The following RPS6KA6 variants were observed in gnomAD, a reference collection of about 807,000 sequenced individuals.
RPS6KA6 encodes the protein ribosomal protein S6 kinase alpha-6.
In RPS6KA6, 27 loss-of-function variants were observed where a neutral mutation model predicts 65.4. The ratio of observed to expected loss-of-function variants is 0.41; its 90% CI spans 0.30 to 0.57. RPS6KA6 has a LOEUF of 0.57. Among genes scored for constraint, RPS6KA6 ranks in the 20% least tolerant of loss-of-function variants. RPS6KA6 has a pLI of 0.24. For synonymous variants in RPS6KA6, 190 were observed against 184.2 expected, an observed-to-expected ratio of 1.03 and a Z score of -0.26; for missense variants, 486 against 555.6, an observed-to-expected ratio of 0.87 and a Z score of 1.26.
chrX:84,169,079 G>T (rs983494635), intron 1 of RPS6KA6, among the ~76,000 whole-genome samples: 5 of 111,949 alleles, frequency 4.5e-5, no homozygotes, highest in Non-Finnish European at 9.4e-5. Context: ...AAGATAAGCA[G>T]ACATGCTGCT....
Position 84,064,108 on chromosome X carries a change from T to C in RPS6KA6, c.*169A>G, listed in dbSNP as rs1398056377. ...TACTGCAAACACATAGTATGAATATTGTGGACCTGTGAATGGTTTTTTAAA... is the reference window on the plus strand; with the variant it reads ...TACTGCAAACACATAGTATGAATATCGTGGACCTGTGAATGGTTTTTTAAA... On this transcript the variant is annotated 3_prime_UTR_variant, in exon 22 of 22. Transcript: ENST00000262752. 2.0e-6 allele frequency: 1 copy of C among 507,650 alleles called. No homozygotes were observed. Among genetic ancestry groups the C allele is most frequent in the Non-Finnish European group, 3.1e-6 (1 of 320,485 alleles). 41.8% of individuals were successfully genotyped at this position (507,650 alleles called of 1,213,427 possible).
chrX:84,071,957 A>G (rs753081664), intron 20 of RPS6KA6, among the ~76,000 whole-genome samples: 20 of 111,986 alleles, frequency 1.8e-4, no homozygotes, highest in Non-Finnish European at 2.8e-4. Context: ...TCTCCCATCA[A>G]TGAAAATCCC....
At chrX:84,124,692 C>T (rs779871862) in intron 8 of RPS6KA6, among the ~76,000 whole-genome samples, 1 of 109,553 alleles carries the variant, frequency 9.1e-6, no homozygotes, top group Non-Finnish European at 1.9e-5. Context: ...AGTCTAAGAG[C>T]TACTGGACTT....
At chrX:84,126,394 A>C (rs1157060223) in intron 8 of RPS6KA6, among the ~76,000 whole-genome samples, 7 of 111,699 alleles carry the variant, frequency 6.3e-5, no homozygotes, top group Non-Finnish European at 1.3e-4. Context: ...ATACAGTAAC[A>C]GCCGGTGACT....
chrX:84,106,954 T>C lies in RPS6KA6; in HGVS notation c.1198A>G (p.Lys400Glu), dbSNP rs1360950825. Residue 400 changes from lysine (K) to glutamate (E), a missense_variant, in exon 14 of 22, where the codon AAA becomes GAA. By Grantham distance (56) the Lys-to-Glu change is moderately conservative. Transcript: ENST00000262752. Reference protein sequence around the residue: ...FVATSIAEEYKITPITSANVL... With the variant: ...FVATSIAEEYEITPITSANVL... ...TTTGCACTTGTGATAGGAGTGATTT[T>C]ATATTCTTCTGCAATAGAAGTTGCA... The C allele has an allele frequency of 8.4e-7, 1 of 1,194,091 alleles. No homozygotes were observed. The highest frequency in any genetic ancestry group is 1.1e-6 in the Non-Finnish European group (1 of 882,756).
intron 8 of RPS6KA6, among the ~76,000 whole-genome samples, chrX:84,124,784 G>A (rs2034745158): frequency 9.0e-6 from 1 of 111,601 alleles, no homozygotes; most frequent in East Asian, 2.8e-4. Context: ...CCTAGAGAAA[G>A]AAATAAACAT....
chrX:84,123,051 C>A (rs1431194184), intron 8 of RPS6KA6, among the ~76,000 whole-genome samples: 1 of 112,035 alleles, frequency 8.9e-6, no homozygotes, highest in Non-Finnish European at 1.9e-5. Context: ...GTTCCCATTC[C>A]AGGCCCTAGC....
At chrX:84,108,813 C>T (rs1388869491) in intron 12 of RPS6KA6, among the ~76,000 whole-genome samples, 1 of 111,675 alleles carries the variant, frequency 9.0e-6, no homozygotes, top group Non-Finnish European at 1.9e-5. Flanking sequence ...GGTACTTGTG[C>T]ACACCTCAAA....
At chrX:84,088,167 C>A (rs2033967150) in intron 20 of RPS6KA6, among the ~76,000 whole-genome samples, 1 of 111,730 alleles carries the variant, frequency 9.0e-6, no homozygotes, top group Non-Finnish European at 1.9e-5. Context: ...GTCAATTCAG[C>A]CATCTCAGTC....
intron 2 of RPS6KA6, 48 bp from the exon 3 acceptor site, chrX:84,156,239 C>T (rs1418983548): frequency 1.5e-6 from 1 of 670,652 alleles, no homozygotes; most frequent in East Asian, 3.3e-5. Flanking sequence ...TCAACATCTT[C>T]TGATTAGTTC....
At chrX:84,077,890 T>C (rs971982589) in intron 20 of RPS6KA6, among the ~76,000 whole-genome samples, 1 of 112,244 alleles carries the variant, frequency 8.9e-6, no homozygotes, top group African/African-American at 3.2e-5. Context: ...GATTTCACTC[T>C]ATCCTAAGTC....
At chrX:84,173,611 C>T (rs2147630920) in intron 1 of RPS6KA6, among the ~76,000 whole-genome samples, 1 of 112,471 alleles carries the variant, frequency 8.9e-6, no homozygotes, top group East Asian at 2.8e-4. Context: ...TGCCATATCA[C>T]TATCATAATA....
At chrX:84,174,228 T>C (rs773542006) in intron 1 of RPS6KA6, among the ~76,000 whole-genome samples, 63 of 111,803 alleles carry the variant, frequency 5.6e-4, no homozygotes, top group Non-Finnish European at 8.5e-4. Flanking sequence ...TTAAATTATA[T>C]AGTTAACATA....
At position 84,062,596 on chromosome X, in the gene RPS6KA6, CTT is replaced by C. The variant is rs903025799; in HGVS notation, c.*1679_*1680del. 14 of 111,501 alleles carry C rather than the reference CTT, an allele frequency of 1.3e-4. No individual in the cohort carries two copies. The highest frequency in any genetic ancestry group is 1.9e-5 in the Non-Finnish European group (1 of 52,986). The allele number at this position is 111,501 out of a possible 1,213,427, so 9.2% of individuals were successfully genotyped here. ...TGTGGCATAAATTGTTATTTAATCT[CTT>C]TCAATTATTTCCAAAAGATACCTCA... On this transcript the variant is annotated 3_prime_UTR_variant, in exon 22 of 22. Coordinates refer to ENST00000262752, the MANE Select transcript of RPS6KA6 (RefSeq NM_014496.5).
chrX:84,085,924 T>C (rs1294825642), intron 20 of RPS6KA6, among the ~76,000 whole-genome samples: 1 of 111,596 alleles, frequency 9.0e-6, no homozygotes, highest in East Asian at 2.8e-4. Flanking sequence ...CAGGAATTTA[T>C]CCATTATTCT....
intron 8 of RPS6KA6, among the ~76,000 whole-genome samples, chrX:84,128,375 G>A (rs2034833944): frequency 9.0e-6 from 1 of 111,509 alleles, no homozygotes; most frequent in Admixed American, 9.5e-5. Context: ...AAAATGGAAA[G>A]ATATTCCAAG....
intron 8 of RPS6KA6, among the ~76,000 whole-genome samples, chrX:84,132,255 G>A (rs1353236199): frequency 1.8e-5 from 2 of 110,238 alleles, no homozygotes; most frequent in Admixed American, 9.8e-5. Context: ...AGACTCCGTC[G>A]CCACACACAC....
intron 20 of RPS6KA6, among the ~76,000 whole-genome samples, chrX:84,070,137 T>C (rs992517722): frequency 5.3e-5 from 6 of 112,217 alleles, no homozygotes; most frequent in Non-Finnish European, 9.4e-5. Context: ...CTATTTACAA[T>C]AGCACAGACT....
At chrX:84,143,718 C>T (rs996680261) in intron 6 of RPS6KA6, among the ~76,000 whole-genome samples, 9 of 110,929 alleles carry the variant, frequency 8.1e-5, no homozygotes, top group Non-Finnish European at 1.3e-4. Flanking sequence ...TGCAAAGGAC[C>T]TAGAAGAGCC....
Sources: gnomAD v4.1 joint callset for allele counts (sites outside exome capture counted in the v4.1 genomes callset) on GRCh38, gnomAD v4.1.1 for gene constraint, MANE v1.5 for transcripts, NCBI Gene and HGNC (gene_info 2026-07-23, HGNC 2026-07-21) for gene names.